CHSY3: variants seen among roughly 807,000 people sequenced by gnomAD.
CHSY3 encodes N-acetylgalactosaminyl-proteoglycan 3-beta-glucuronosyltransferase 3.
In CHSY3, 35 loss-of-function variants were observed where a neutral mutation model predicts 67.2. The observed-to-expected ratio is 0.52, with a 90% CI of 0.40 to 0.69. The LOEUF (loss-of-function observed/expected upper bound fraction) is 0.69. Ranked by LOEUF, CHSY3 falls within the 30% of genes least tolerant of loss-of-function variation. The probability of loss-of-function intolerance (pLI) is 0.00; values close to 1 mark genes in which losing one functional copy is unlikely to be tolerated. For missense variants in CHSY3, 1,069 were observed against 1,138.5 expected (o/e 0.94, Z 0.88); for synonymous variants, 474 against 434.7 (o/e 1.09, Z -1.12).
At chr5:130,141,963 A>G (rs1327875090) in intron 2 of CHSY3, 1 of 211,670 alleles carries the variant, frequency 4.7e-6, no homozygotes, top group Non-Finnish European at 9.6e-6. Context: ...CAGCTCAAGT[A>G]TAGATGTAGC....
At chr5:130,122,203 A>G (rs1300425553) in intron 2 of CHSY3, among the ~76,000 whole-genome samples, 1 of 152,216 alleles carries the variant, frequency 6.6e-6, no homozygotes, top group Non-Finnish European at 1.5e-5. Context: ...GTGGAAAATC[A>G]GCCTGTGATA....
At chr5:129,976,359 A>G (rs1046748514) in intron 2 of CHSY3, among the ~76,000 whole-genome samples, 1 of 152,150 alleles carries the variant, frequency 6.6e-6, no homozygotes. Flanking sequence ...GTCCAAAGTG[A>G]AGAGCTAAGT....
intron 2 of CHSY3, among the ~76,000 whole-genome samples, chr5:130,155,502 C>A (rs1224531902): frequency 6.6e-6 from 1 of 152,152 alleles, no homozygotes; most frequent in Admixed American, 6.5e-5. Flanking sequence ...AGAAACGTTT[C>A]TTTTCCTCTA....
At chr5:129,967,113 A>G (rs1395663422) in intron 2 of CHSY3, among the ~76,000 whole-genome samples, 1 of 151,772 alleles carries the variant, frequency 6.6e-6, no homozygotes, top group East Asian at 1.9e-4. Flanking sequence ...TCACTCCTTA[A>G]CTGGCTTCAG....
intron 2 of CHSY3, among the ~76,000 whole-genome samples, chr5:130,169,598 T>C (rs1175249911): frequency 1.3e-5 from 2 of 151,928 alleles, no homozygotes. Context: ...CTAACATTAG[T>C]GAATGATATA....
intron 2 of CHSY3, among the ~76,000 whole-genome samples, chr5:130,107,742 T>C (rs990446129): frequency 1.9e-4 from 29 of 151,572 alleles, no homozygotes; most frequent in African/African-American, 7.0e-4. Context: ...ATTTGATCAA[T>C]CAAGTCAGTT....
intron 2 of CHSY3, among the ~76,000 whole-genome samples, chr5:130,047,221 A>G (rs550710771): frequency 6.6e-6 from 1 of 152,204 alleles, no homozygotes; most frequent in South Asian, 2.1e-4. Context: ...TTCATATTCA[A>G]TAATGTATTG....
At chr5:130,145,792 A>T (rs1449024928) in intron 2 of CHSY3, among the ~76,000 whole-genome samples, 1 of 152,162 alleles carries the variant, frequency 6.6e-6, no homozygotes, top group South Asian at 2.1e-4. Context: ...TGGACAAATG[A>T]TATTAATAGA....
chr5:129,940,235 A>G (rs932079476), intron 2 of CHSY3, among the ~76,000 whole-genome samples: 1 of 151,976 alleles, frequency 6.6e-6, no homozygotes, highest in South Asian at 2.1e-4. Context: ...ATCTACCTAG[A>G]TTTTCTTAAA....
chr5:130,056,690 T>A (rs1183442951), intron 2 of CHSY3, among the ~76,000 whole-genome samples: 1 of 152,174 alleles, frequency 6.6e-6, no homozygotes, highest in Non-Finnish European at 1.5e-5. Flanking sequence ...TGTAGCTTAG[T>A]GATTTAGATC....
At chr5:130,130,372 T>C (rs1768442233) in intron 2 of CHSY3, among the ~76,000 whole-genome samples, 1 of 152,172 alleles carries the variant, frequency 6.6e-6, no homozygotes, top group Non-Finnish European at 1.5e-5. Flanking sequence ...CCTAAATCTA[T>C]GGTGTATATC....
intron 2 of CHSY3, among the ~76,000 whole-genome samples, chr5:130,112,244 G>A (rs1242794095): frequency 6.6e-6 from 1 of 152,064 alleles, no homozygotes; most frequent in Non-Finnish European, 1.5e-5. Context: ...AGCACACCTT[G>A]CTACTTCTGA....
intron 2 of CHSY3, among the ~76,000 whole-genome samples, chr5:130,029,723 T>C (rs571981971): frequency 6.6e-6 from 1 of 152,286 alleles, no homozygotes; most frequent in Non-Finnish European, 1.5e-5. Flanking sequence ...TTGTTTTATA[T>C]CTACCAGAAC....
chr5:130,151,387 G>C (rs983873846), intron 2 of CHSY3, among the ~76,000 whole-genome samples: 1 of 152,162 alleles, frequency 6.6e-6, no homozygotes, highest in African/African-American at 2.4e-5. Context: ...AAGATCCAAT[G>C]AACAGCATGA....
In CHSY3 at chr5:130,019,060, G is replaced by A. The variant is rs374867319; in HGVS notation, c.1086+110700G>A. ...TTCTTGTACAGCCTGCAGAACCATG[G>A]GCTAAATTAAACCCTTTATTAACTA... is the stretch of plus-strand genomic sequence containing the variant. On this transcript the variant is annotated intron_variant, in intron 2 of 2. Coordinates refer to ENST00000305031, the MANE Select transcript of CHSY3 (RefSeq NM_175856.5). Among the ~76,000 whole-genome samples, 24 of 151,950 alleles carry A rather than the reference G, an allele frequency of 1.6e-4. No individual in the cohort carries two copies. In the East Asian group the frequency reaches 2.5e-3, roughly 16 times the overall value.
intron 2 of CHSY3, among the ~76,000 whole-genome samples, chr5:129,950,783 C>T (rs955534530): frequency 1.3e-5 from 2 of 152,104 alleles, no homozygotes; most frequent in Admixed American, 1.3e-4. Flanking sequence ...GAAAGGCATC[C>T]TGTGTTTGTA....
chr5:130,057,684 C>T (rs1054469406), intron 2 of CHSY3, among the ~76,000 whole-genome samples: 4 of 152,134 alleles, frequency 2.6e-5, no homozygotes, highest in African/African-American at 9.7e-5. Flanking sequence ...ATGATGGACT[C>T]ATCTATAATT....
chr5:130,185,365 G>A lies in CHSY3; in HGVS notation c.2223G>A (p.Val741=), dbSNP rs768909812. The part of the protein sequence containing the change: ...CRDNTIQGQQ[V]YYPIIFSQYD... ...ACAATACAATTCAGGGACAACAGGT[G>A]TACTATCCCATCATCTTTAGCCAGT... Residue 741 remains valine, a synonymous_variant, in exon 3 of 3, where the codon GTG becomes GTA. Coordinates refer to ENST00000305031, the MANE Select transcript of CHSY3 (RefSeq NM_175856.5). The A allele has an allele frequency of 5.6e-6, 9 of 1,603,674 alleles. No individual in the cohort carries two copies. The South Asian group carries it at 8.8e-5, about 16-fold the overall frequency.
intron 2 of CHSY3, among the ~76,000 whole-genome samples, chr5:130,170,609 T>A (rs1769871338): frequency 6.6e-6 from 1 of 152,196 alleles, no homozygotes; most frequent in Non-Finnish European, 1.5e-5. Flanking sequence ...CCACCAACAG[T>A]GTATGAGCAT....
Sources: gnomAD v4.1 joint callset for allele counts (sites outside exome capture counted in the v4.1 genomes callset) on GRCh38, gnomAD v4.1.1 for gene constraint, MANE v1.5 for transcripts, NCBI Gene and HGNC (gene_info 2026-07-23, HGNC 2026-07-21) for gene names.